RALYL: variants seen among roughly 807,000 people sequenced by gnomAD.
RALYL encodes RNA-binding Raly-like protein.
Under a neutral mutation model 35.1 loss-of-function variants are expected in RALYL, and 29 were observed. That is an observed-to-expected ratio of 0.83 (90% CI 0.61 to 1.13). The LOEUF (loss-of-function observed/expected upper bound fraction) is 1.13. RALYL is among the 50% of genes most tolerant of loss of function. The probability of loss-of-function intolerance (pLI) is 0.00; values close to 1 mark genes in which losing one functional copy is unlikely to be tolerated. For missense variants in RALYL, 359 were observed against 360.4 expected, an observed-to-expected ratio of 1.00 and a Z score of 0.03; for synonymous variants, 120 against 127.6, an observed-to-expected ratio of 0.94 and a Z score of 0.40.
Position 84,188,180 on chromosome 8 carries a change from G to T in RALYL, c.-24+3756G>T, listed in dbSNP as rs180808156. 9.7e-4 allele frequency among the ~76,000 whole-genome samples: 148 copies of T among 152,056 alleles called. 1 individual carries two copies. Among genetic ancestry groups the T allele is most frequent in the Non-Finnish European group, 1.1e-3 (76 of 67,876 alleles). ...CATGGCTAAATTACATGTCACAGGGGTTTGCTGTACAGATAGTTTTATCGG... is the reference window on the plus strand; with the variant it reads ...CATGGCTAAATTACATGTCACAGGGTTTTGCTGTACAGATAGTTTTATCGG... On this transcript the variant is annotated intron_variant, in intron 1 of 8. Coordinates refer to ENST00000521268, the MANE Select transcript of RALYL (RefSeq NM_173848.7).
At chr8:84,449,981 T>C (rs1001261004) in intron 1 of RALYL, among the ~76,000 whole-genome samples, 23 of 151,752 alleles carry the variant, frequency 1.5e-4, no homozygotes, top group Non-Finnish European at 3.2e-4. Context: ...GGACACAGGC[T>C]CATGTCTGAA....
At chr8:84,344,318 T>A (rs148072508) in intron 1 of RALYL, among the ~76,000 whole-genome samples, 3 of 152,198 alleles carry the variant, frequency 2.0e-5, no homozygotes, top group African/African-American at 7.2e-5. Flanking sequence ...CATCATACCT[T>A]TAAACTTTAT....
At chr8:84,701,099 C>T (rs748680340) in intron 2 of RALYL, among the ~76,000 whole-genome samples, 3 of 152,032 alleles carry the variant, frequency 2.0e-5, no homozygotes, top group African/African-American at 4.8e-5. Flanking sequence ...ACATCAGGGG[C>T]GCTGGGTGAT....
chr8:84,359,947 A>G (rs1296670032), intron 1 of RALYL, among the ~76,000 whole-genome samples: 3 of 147,880 alleles, frequency 2.0e-5, no homozygotes, highest in African/African-American at 7.5e-5. Context: ...CCCAGGCTGG[A>G]GTGCAGTGGT....
chr8:84,187,273 A>G (rs193218058), intron 1 of RALYL, among the ~76,000 whole-genome samples: 2 of 152,240 alleles, frequency 1.3e-5, no homozygotes, highest in Admixed American at 1.3e-4. Flanking sequence ...TTGGATTACT[A>G]AATTAATTTT....
rs187179425 is a variant in RALYL at position 84,727,078 on chromosome 8, T to G, written c.257-47501T>G. Among the ~76,000 whole-genome samples the G allele has an allele frequency of 3.2e-3, 482 of 152,184 alleles. 1 individual carries two copies. Among genetic ancestry groups the G allele is most frequent in the Non-Finnish European group, 6.0e-3 (409 of 67,992 alleles). On this transcript the variant is annotated intron_variant, in intron 2 of 8. Coordinates refer to ENST00000521268, the MANE Select transcript of RALYL (RefSeq NM_173848.7). ...GTGTGTTTAGAGAATGAAGAGGGGT[T>G]AAGTTAAGCACCAAATTCCCCTTGG...
intron 2 of RALYL, among the ~76,000 whole-genome samples, chr8:84,592,611 T>G (rs1799075184): frequency 6.6e-6 from 1 of 152,144 alleles, no homozygotes; most frequent in Non-Finnish European, 1.5e-5. Flanking sequence ...TGAATACTAT[T>G]GAGCAAAGCT....
chr8:84,726,618 A>G (rs531503974), intron 2 of RALYL, among the ~76,000 whole-genome samples: 1 of 151,958 alleles, frequency 6.6e-6, no homozygotes, highest in South Asian at 2.1e-4. Flanking sequence ...AAATAGCAAT[A>G]TATATATGTA....
At chr8:84,728,877 G>T (rs1401816249) in intron 2 of RALYL, among the ~76,000 whole-genome samples, 1 of 152,114 alleles carries the variant, frequency 6.6e-6, no homozygotes, top group Non-Finnish European at 1.5e-5. Flanking sequence ...GGTTACTGTA[G>T]CCTTGTAGTG....
chr8:84,852,900 GACA>G lies in RALYL; in HGVS notation c.413+2890_413+2892del, dbSNP rs889500254. Among the ~76,000 whole-genome samples, 9 of 152,100 alleles carry G rather than the reference GACA, an allele frequency of 5.9e-5. No individual in the cohort carries two copies. The South Asian group carries it at 8.3e-4, about 14-fold the overall frequency. Reference sequence around the variant, plus strand: ...AGGTACAATGCTTGTTTATACATAGGACAACAACAACAACAACAAAAACCATGG... The same window carrying G: ...AGGTACAATGCTTGTTTATACATAGGACAACAACAACAACAAAAACCATGG... On this transcript the variant is annotated intron_variant, in intron 5 of 8. Coordinates refer to ENST00000521268, the MANE Select transcript of RALYL (RefSeq NM_173848.7).
intron 1 of RALYL, among the ~76,000 whole-genome samples, chr8:84,471,392 G>A (rs116552720): frequency 7.7e-4 from 117 of 151,056 alleles, no homozygotes; most frequent in African/African-American, 2.6e-3. Flanking sequence ...AGACCAGCCT[G>A]GACAACATAG....
At chr8:84,524,752 T>A (rs2058742337) in intron 1 of RALYL, among the ~76,000 whole-genome samples, 1 of 152,146 alleles carries the variant, frequency 6.6e-6, no homozygotes, top group Admixed American at 6.5e-5. Flanking sequence ...TTCTTTATAA[T>A]TTTACAGAGC....
chr8:84,401,403 C>T (rs974755994), intron 1 of RALYL, among the ~76,000 whole-genome samples: 6 of 151,538 alleles, frequency 4.0e-5, no homozygotes, highest in African/African-American at 9.7e-5. Context: ...TTTGGGAGGC[C>T]GAGGCGGGCG....
intron 2 of RALYL, among the ~76,000 whole-genome samples, chr8:84,707,024 C>T (rs893115159): frequency 6.6e-6 from 1 of 152,052 alleles, no homozygotes; most frequent in Non-Finnish European, 1.5e-5. Flanking sequence ...TTTTGAAAAT[C>T]AAAGTCTATC....
chr8:84,824,974 TC>T (rs1829352504), intron 4 of RALYL, among the ~76,000 whole-genome samples: 1 of 152,066 alleles, frequency 6.6e-6, no homozygotes, highest in East Asian at 1.9e-4. Flanking sequence ...TCAAAAGCAA[TC>T]ACAATGAAAA....
chr8:84,801,808 G>A (rs1823346914), intron 3 of RALYL, among the ~76,000 whole-genome samples: 1 of 152,188 alleles, frequency 6.6e-6, no homozygotes, highest in East Asian at 1.9e-4. Flanking sequence ...AAAAGTTTGG[G>A]TACCATCTTC....
rs1849231910 is a variant in RALYL at position 84,920,884 on chromosome 8, A to T, written c.859-10A>T. On this transcript the variant is annotated splice_polypyrimidine_tract_variant and intron_variant, in intron 8 of 8. Transcript: ENST00000521268. ...TCTCTGTATTTTAAAATTTTTTTTT[A>T]TTTTCTCAGTTTCTACAGATAAAGT... 1.5e-6 allele frequency: 2 copies of T among 1,369,442 alleles called. No individual in the cohort carries two copies. Among genetic ancestry groups the T allele is most frequent in the Admixed American group, 2.8e-5 (1 of 35,698 alleles). 84.8% of individuals were successfully genotyped at this position (1,369,442 alleles called of 1,614,324 possible).
chr8:84,423,581 A>G (rs1277080647), intron 1 of RALYL, among the ~76,000 whole-genome samples: 1 of 151,480 alleles, frequency 6.6e-6, no homozygotes, highest in Non-Finnish European at 1.5e-5. Flanking sequence ...TGTGAATTTG[A>G]TCCTGTCATT....
chr8:84,722,795 CATATAT>C (rs1002685560), intron 2 of RALYL, among the ~76,000 whole-genome samples: 2 of 147,888 alleles, frequency 1.4e-5, no homozygotes, highest in Non-Finnish European at 3.0e-5. Context: ...TAGATATATA[CATATAT>C]ATATATAGTG....
Sources: gnomAD v4.1 joint callset for allele counts (sites outside exome capture counted in the v4.1 genomes callset) on GRCh38, gnomAD v4.1.1 for gene constraint, MANE v1.5 for transcripts, NCBI Gene and HGNC (gene_info 2026-07-23, HGNC 2026-07-21) for gene names.